Variants in MAP7D3 observed in about 807,000 individuals in gnomAD.
MAP7D3 encodes MAP7 domain-containing protein 3.
In MAP7D3, 45 loss-of-function variants were observed where a neutral mutation model predicts 62.2. The observed-to-expected ratio is 0.72, with a 90% CI of 0.57 to 0.93. The LOEUF (loss-of-function observed/expected upper bound fraction) is 0.93. MAP7D3 is among the 40% of genes least tolerant of loss of function. The pLI is 0.00. For missense variants in MAP7D3, 711 were observed against 683.1 expected (o/e 1.04, Z -0.45); for synonymous variants, 288 against 248.8 (o/e 1.16, Z -1.48).
chrX:136,251,077 G>A (rs992926066), intron 1 of MAP7D3, among the ~76,000 whole-genome samples: 4 of 112,545 alleles, frequency 3.6e-5, no homozygotes. Context: ...CAGGCGGCTC[G>A]CGGCGTCGGC....
chrX:136,231,065 A>C, intron 8 of MAP7D3, 99 bp from the exon 9 acceptor site: 1 of 625,082 alleles, frequency 1.6e-6, no homozygotes, highest in Non-Finnish European at 2.3e-6. Context: ...TTCTGAATAA[A>C]ACACAATTAG....
chrX:136,229,955 T>TG (rs1223300168), intron 10 of MAP7D3, among the ~76,000 whole-genome samples: 3 of 59,859 alleles, frequency 5.0e-5, no homozygotes, highest in Non-Finnish European at 6.6e-5. Context: ...ATTTTTTTTT[T>TG]TGTGTGTGTA....
intron 6 of MAP7D3, among the ~76,000 whole-genome samples, chrX:136,237,518 T>C (rs377312384): frequency 1.8e-5 from 2 of 112,551 alleles, no homozygotes; most frequent in East Asian, 5.5e-4. Context: ...ATATGGATTT[T>C]ATTTCCTAGA....
Position 136,251,335 on chromosome X carries a change from A to C in MAP7D3, c.24T>G (p.Ala8=). 1 of 1,126,867 alleles carries C rather than the reference A, an allele frequency of 8.9e-7. No homozygotes were observed. The highest frequency in any genetic ancestry group is 1.2e-6 in the Non-Finnish European group (1 of 858,892). The allele number at this position is 1,126,867 out of a possible 1,213,427, so 92.9% of individuals were successfully genotyped here. ...TCAAGGATGGGCTGCCGCCAGCGCC[A>C]GCTGCGGCGCCGTCCGCCATCATCG... MMADGAA[A]GAGGSPSLRE... is the part of the protein sequence containing the mutation. Residue 8 remains alanine (A), a synonymous_variant, in exon 1 of 19, where the codon GCT becomes GCG. Coordinates refer to ENST00000316077, the MANE Select transcript of MAP7D3 (RefSeq NM_024597.4).
downstream of MAP7D3, among the ~76,000 whole-genome samples, chrX:136,216,392 GAAGAAGAAAGAAGAAGAAGAAGA>G (rs1371771426): frequency 4.7e-5 from 4 of 84,655 alleles, no homozygotes; most frequent in Non-Finnish European, 6.9e-5. Flanking sequence ...GAAAAAAAGA[GAAGAAGAAAGAAGAAGAAGAAGA>G]AAGAAGAAAG....
Position 136,240,425 on chromosome X carries a change from T to G in MAP7D3, c.597A>C (p.Gln199His). ...LEQGTSALIR[Q>H]MPLSSAGLQN... ...GAAGGCCTGCAGATGACAAAGGCAT[T>G]TGTCTGATTAAAGCAGAAGTACCCT... Residue 199 changes from glutamine to histidine, a missense_variant, in exon 6 of 19, where the codon CAA becomes CAC. Physicochemically the swap from Gln to His is conservative, Grantham distance 24. Coordinates refer to ENST00000316077, the MANE Select transcript of MAP7D3 (RefSeq NM_024597.4). The G allele has an allele frequency of 8.3e-7, 1 of 1,207,997 alleles. No individual in the cohort carries two copies. The highest frequency in any genetic ancestry group is 1.1e-6 in the Non-Finnish European group (1 of 892,274).
intron 9 of MAP7D3, 98 bp downstream of exon 9, chrX:136,230,741 G>T: frequency 1.0e-6 from 1 of 976,309 alleles, no homozygotes; most frequent in Non-Finnish European, 1.4e-6. Flanking sequence ...TTACATTTGT[G>T]TTACCATGCA....
intron 4 of MAP7D3, 25 bp from the exon 5 acceptor site, chrX:136,241,302 T>C (rs1468422750): frequency 1.2e-6 from 1 of 805,373 alleles, no homozygotes; most frequent in African/African-American, 2.1e-5. Context: ...AGCCAACATA[T>C]TTTTACATAT....
At chrX:136,221,850 A>C (rs1329900466) in intron 15 of MAP7D3, 2 of 112,802 alleles carry the variant, frequency 1.8e-5, no homozygotes, top group African/African-American at 6.5e-5. Context: ...CACCTAGTAG[A>C]GGACCTGACT....
chrX:136,237,787 C>T (rs2074346398), intron 6 of MAP7D3, among the ~76,000 whole-genome samples: 2 of 110,574 alleles, frequency 1.8e-5, no homozygotes, highest in Admixed American at 1.9e-4. Context: ...AGGTTTGTGA[C>T]ATATGTATAC....
At chrX:136,242,916 G>A (rs1275740697) in intron 4 of MAP7D3, among the ~76,000 whole-genome samples, 1 of 112,196 alleles carries the variant, frequency 8.9e-6, no homozygotes, top group Admixed American at 9.5e-5. Flanking sequence ...GAAAGTGACA[G>A]AAATTCTGAA....
At position 136,231,874 on chromosome X, in the gene MAP7D3, G is replaced by A; in HGVS notation, c.1083C>T (p.Ser361=). Residue 361 remains serine (S), a synonymous_variant, in exon 8 of 19, where the codon TCC becomes TCT. Transcript: ENST00000316077. The stretch of plus-strand genomic sequence containing the variant: ...GGAGTGCTTCTATGCTCAACTCGGG[G>A]GATGCGTCCATGCTCATCTCAGAAT... ...TYDSEMSMDA[S]PELSIEALPK... 1 of 1,211,403 alleles carries A rather than the reference G, an allele frequency of 8.3e-7. No homozygotes were observed. The highest frequency in any genetic ancestry group is 1.1e-6 in the Non-Finnish European group (1 of 895,332).
At chrX:136,253,100 G>GA (rs892615556), upstream of MAP7D3, among the ~76,000 whole-genome samples, 25 of 107,677 alleles carry the variant, frequency 2.3e-4, no homozygotes, top group South Asian at 2.7e-3. Context: ...CTGTCTCGAA[G>GA]AAAAAAAAAA....
rs143532373 is a variant in MAP7D3, at chrX:136,236,622, G to A, written c.641-283C>T. On this transcript the variant is annotated intron_variant, in intron 6 of 18. Coordinates refer to ENST00000316077, the MANE Select transcript of MAP7D3 (RefSeq NM_024597.4). Reference sequence around the variant, plus strand: ...AAACATACAACCCTTTAGACATGATGCCTAATACTTAAAAGTAATTTACAC... The same window carrying A: ...AAACATACAACCCTTTAGACATGATACCTAATACTTAAAAGTAATTTACAC... Among the ~76,000 whole-genome samples, 20 of 111,392 alleles carry A rather than the reference G, an allele frequency of 1.8e-4. 1 individual carries two copies. The East Asian group carries it at 5.6e-3, about 31-fold the overall frequency.
chrX:136,251,458 C>T (rs1257085511), upstream of MAP7D3: 3 of 166,741 alleles, frequency 1.8e-5, no homozygotes, highest in African/African-American at 5.7e-5. Flanking sequence ...GTGGGCGGGG[C>T]GGGGCGGGGC....
chrX:136,236,279 G>A lies in MAP7D3; in HGVS notation c.701C>T (p.Ser234Phe). The A allele has an allele frequency of 8.4e-7, 1 of 1,195,990 alleles. No homozygotes were observed. ...LNRRDSNLHS[S>F]TDKEQAERKP... ...CCTTTCGGCTTGTTCTTTATCAGTA[G>A]ACGAATGTAGGTTACTATCTCTTCT... Residue 234 changes from serine (S) to phenylalanine (F), a missense_variant, in exon 7 of 19, where the codon TCT becomes TTT. Transcript: ENST00000316077.
At chrX:136,220,452 A>G (rs749423867) in intron 16 of MAP7D3, among the ~76,000 whole-genome samples, 8 of 112,979 alleles carry the variant, frequency 7.1e-5, no homozygotes, top group South Asian at 3.6e-4. Flanking sequence ...ACATTAACCA[A>G]TGTGAACAAA....
chrX:136,228,540 T>C (rs1206046856), intron 11 of MAP7D3, 83 bp downstream of exon 11: 33 of 943,076 alleles, frequency 3.5e-5, no homozygotes, highest in Middle Eastern at 2.9e-4. Flanking sequence ...TGAGAATTTA[T>C]AACTTGAGGG....
rs1277868777 is a variant in MAP7D3 at position 136,218,167 on chromosome X, G to A, written c.*359C>T. 8.9e-6 allele frequency: 1 copy of A among 112,137 alleles called. No individual in the cohort carries two copies. Among genetic ancestry groups the A allele is most frequent in the Non-Finnish European group, 1.9e-5 (1 of 53,187 alleles). The allele number at this position is 112,137 out of a possible 1,213,427, so 9.2% of individuals were successfully genotyped here. A position where few individuals can be genotyped will look rare whatever the true frequency, so the allele number is the denominator to read the frequency against. On this transcript the variant is annotated 3_prime_UTR_variant, in exon 19 of 19. Coordinates refer to ENST00000316077, the MANE Select transcript of MAP7D3 (RefSeq NM_024597.4). Reference sequence around the variant, plus strand: ...TTCTTCTAGAAACTCCACAGTTACAGTTTCAGGAAAGCATCCTTGATGCAC... The same window carrying A: ...TTCTTCTAGAAACTCCACAGTTACAATTTCAGGAAAGCATCCTTGATGCAC...
Sources: gnomAD v4.1 joint callset for allele counts (sites outside exome capture counted in the v4.1 genomes callset) on GRCh38, gnomAD v4.1.1 for gene constraint, MANE v1.5 for transcripts, NCBI Gene and HGNC (gene_info 2026-07-23, HGNC 2026-07-21) for gene names.